Variants in IKZF2 observed in about 807,000 individuals in gnomAD.
The protein encoded by IKZF2 is IKAROS family zinc finger 2.
IKZF2 carries 15 observed loss-of-function variants against 49.2 expected under a neutral mutation model. That is an observed-to-expected ratio of 0.30 (90% CI 0.20 to 0.47). The LOEUF is 0.47. Ranked by LOEUF, IKZF2 falls within the 20% of genes least tolerant of loss-of-function variation. The pLI is 1.00. For synonymous variants in IKZF2, 227 were observed against 221.4 expected (o/e 1.03, Z -0.23); for missense variants, 567 against 664.6 (o/e 0.85, Z 1.61).
rs139851037 is a variant in IKZF2, at chr2:213,017,041, C to T, written c.713-3107G>A. 7.2e-5 allele frequency: 11 copies of T among 151,942 alleles called. No individual in the cohort carries two copies. The East Asian group carries it at 1.7e-3, about 24-fold the overall frequency. 9.4% of individuals were successfully genotyped at this position (151,942 alleles called of 1,614,324 possible). A position where few individuals can be genotyped will look rare whatever the true frequency, so the allele number is the denominator to read the frequency against. The stretch of plus-strand genomic sequence containing the variant: ...TGTTGCAAATTTTCTCCGTGTTACC[C>T]GATCTAAAAAAAAAACTTTACAGTT... On this transcript the variant is annotated intron_variant, in intron 7 of 8. Coordinates refer to ENST00000434687, the MANE Select transcript of IKZF2 (RefSeq NM_001387220.1).
At chr2:213,122,177 C>A (rs899760647) in intron 4 of IKZF2, among the ~76,000 whole-genome samples, 1 of 152,136 alleles carries the variant, frequency 6.6e-6, no homozygotes, top group Admixed American at 6.5e-5. Context: ...TTGAGAAGAG[C>A]TACAACTCTC....
At chr2:213,015,619 T>C (rs1213008622) in intron 7 of IKZF2, among the ~76,000 whole-genome samples, 1 of 151,964 alleles carries the variant, frequency 6.6e-6, no homozygotes, top group Non-Finnish European at 1.5e-5. Context: ...GGTAATGAGA[T>C]ACAAATTGTG....
intron 4 of IKZF2, among the ~76,000 whole-genome samples, chr2:213,079,446 AG>A (rs11307881): frequency 0.41 from 56,118 of 137,174 alleles, 11,980 homozygotes; most frequent in African/African-American, 0.47. Context: ...GAAAGGAGGG[AG>A]GGAGGGTGGA....
intron 6 of IKZF2, 110 bp downstream of exon 6, chr2:213,049,603 T>C (rs181342572): frequency 1.5e-4 from 104 of 703,334 alleles, no homozygotes; most frequent in African/African-American, 1.4e-3. Context: ...AATAACAAGA[T>C]TGTCTTGGTC....
At chr2:213,066,883 G>A (rs1353592013) in intron 4 of IKZF2, among the ~76,000 whole-genome samples, 1 of 152,048 alleles carries the variant, frequency 6.6e-6, no homozygotes, top group Non-Finnish European at 1.5e-5. Flanking sequence ...ATGTTTAAAT[G>A]CTTACTTATA....
chr2:213,147,543 A>G (rs769809398), intron 4 of IKZF2, 165 bp downstream of exon 4: 12 of 718,156 alleles, frequency 1.7e-5, no homozygotes, highest in Non-Finnish European at 2.0e-5. Flanking sequence ...CTCATGTTTT[A>G]TAATACTAGA....
chr2:213,009,825 T>C (rs1409940956), intron 8 of IKZF2, among the ~76,000 whole-genome samples: 1 of 152,004 alleles, frequency 6.6e-6, no homozygotes, highest in African/African-American at 2.4e-5. Context: ...AATAATGTGA[T>C]TGTAAACATA....
At chr2:213,046,424 G>A (rs185779509) in intron 6 of IKZF2, among the ~76,000 whole-genome samples, 137 of 152,274 alleles carry the variant, frequency 9.0e-4, no homozygotes, top group Non-Finnish European at 1.4e-3. Flanking sequence ...ACTAGTTGAT[G>A]AGGATGAAAC....
intron 6 of IKZF2, among the ~76,000 whole-genome samples, chr2:213,041,727 A>G (rs1699676923): frequency 6.6e-6 from 1 of 152,098 alleles, no homozygotes; most frequent in Admixed American, 6.5e-5. Flanking sequence ...AAAAAAAGTT[A>G]TTATTTTTTT....
At chr2:213,066,585 T>C (rs1465890120) in intron 4 of IKZF2, among the ~76,000 whole-genome samples, 2 of 152,090 alleles carry the variant, frequency 1.3e-5, no homozygotes, top group Non-Finnish European at 2.9e-5. Context: ...TAATAACCAG[T>C]AAGATCTATC....
intron 4 of IKZF2, among the ~76,000 whole-genome samples, chr2:213,122,693 T>C (rs1456493003): frequency 6.6e-6 from 1 of 152,206 alleles, no homozygotes; most frequent in Non-Finnish European, 1.5e-5. Context: ...TAAATTTATA[T>C]CCAATCATTT....
At chr2:213,135,279 GAT>G (rs144179997) in intron 4 of IKZF2, among the ~76,000 whole-genome samples, 1,906 of 152,184 alleles carry the variant, frequency 0.013, 39 homozygotes, top group African/African-American at 0.043. Flanking sequence ...CCTTAATATT[GAT>G]ATGTCATTTT....
intron 4 of IKZF2, among the ~76,000 whole-genome samples, chr2:213,071,060 G>C (rs1361547955): frequency 1.3e-5 from 2 of 151,932 alleles, no homozygotes; most frequent in African/African-American, 2.4e-5. Flanking sequence ...TATACAAAAG[G>C]AAGCTGAGGA....
intron 4 of IKZF2, among the ~76,000 whole-genome samples, chr2:213,121,222 C>A: frequency 6.6e-6 from 1 of 152,088 alleles, no homozygotes; most frequent in Non-Finnish European, 1.5e-5. Flanking sequence ...TTTATGCTTT[C>A]TGATTCCGTT....
At chr2:213,074,038 A>G (rs547190488) in intron 4 of IKZF2, among the ~76,000 whole-genome samples, 2 of 152,322 alleles carry the variant, frequency 1.3e-5, no homozygotes, top group East Asian at 3.9e-4. Flanking sequence ...CAGAGCACTG[A>G]TTTAAATATC....
At chr2:213,055,361 AT>A (rs571466013) in intron 5 of IKZF2, among the ~76,000 whole-genome samples, 214 of 152,182 alleles carry the variant, frequency 1.4e-3, no homozygotes, top group African/African-American at 5.1e-3. Flanking sequence ...ACCAAGCTTG[AT>A]CTTTCAACCT....
chr2:213,048,198 T>C (rs1246589010), intron 6 of IKZF2, among the ~76,000 whole-genome samples: 1 of 152,108 alleles, frequency 6.6e-6, no homozygotes, highest in African/African-American at 2.4e-5. Flanking sequence ...TATTTATATA[T>C]CTGCAAAAAT....
chr2:213,093,337 T>C (rs576988659), intron 4 of IKZF2, among the ~76,000 whole-genome samples: 4 of 152,262 alleles, frequency 2.6e-5, no homozygotes, highest in East Asian at 3.9e-4. Context: ...CTCACAGGCC[T>C]TCTTTCAGTT....
chr2:213,053,592 A>C (rs3754591), intron 5 of IKZF2, among the ~76,000 whole-genome samples: 88,102 of 151,982 alleles, frequency 0.58, 26,438 homozygotes, highest in East Asian at 0.76. Context: ...ACAAAGCTGC[A>C]ATGTACAAAA....
Sources: gnomAD v4.1 joint callset for allele counts (sites outside exome capture counted in the v4.1 genomes callset) on GRCh38, gnomAD v4.1.1 for gene constraint, MANE v1.5 for transcripts, NCBI Gene and HGNC (gene_info 2026-07-23, HGNC 2026-07-21) for gene names.